SRRM4: variants seen among roughly 807,000 people sequenced by gnomAD.
The protein encoded by SRRM4 is serine/arginine repetitive matrix 4.
In SRRM4, 33 loss-of-function variants were observed where a neutral mutation model predicts 68.9. The ratio of observed to expected loss-of-function variants is 0.48; its 90% CI spans 0.36 to 0.64. The LOEUF (loss-of-function observed/expected upper bound fraction) is 0.64, where lower values mean the gene tolerates loss of function less well. Among genes scored for constraint, SRRM4 ranks in the 30% least tolerant of loss-of-function variants. SRRM4 has a pLI of 0.00. For missense variants in SRRM4, 817 were observed against 827.1 expected, an observed-to-expected ratio of 0.99 and a Z score of 0.15; for synonymous variants, 318 against 318.8, an observed-to-expected ratio of 1.00 and a Z score of 0.03.
chr12:119,004,140 T>G (rs1487273109), intron 1 of SRRM4, among the ~76,000 whole-genome samples: 2 of 152,026 alleles, frequency 1.3e-5, no homozygotes, highest in Non-Finnish European at 2.9e-5. Flanking sequence ...AATTTGATCT[T>G]CTTTTTCTTA....
intron 1 of SRRM4, among the ~76,000 whole-genome samples, chr12:119,073,623 CCT>C (rs772586086): frequency 3.3e-5 from 5 of 151,512 alleles, no homozygotes; most frequent in Admixed American, 1.3e-4. Context: ...TGGCACCCGG[CCT>C]CTCTCTCTTT....
intron 6 of SRRM4, among the ~76,000 whole-genome samples, chr12:119,122,369 C>T (rs575468723): frequency 6.6e-5 from 10 of 151,336 alleles, no homozygotes; most frequent in Admixed American, 2.6e-4. Flanking sequence ...GGCATAACTG[C>T]GTGTGTTGTA....
chr12:119,125,461 C>G lies in SRRM4; in HGVS notation c.596C>G (p.Pro199Arg). 1 of 1,606,742 alleles carries G rather than the reference C, an allele frequency of 6.2e-7. No homozygotes were observed. Among genetic ancestry groups the G allele is most frequent in the African/African-American group, 1.4e-5 (1 of 73,834 alleles). The change falls in exon 7 of 13, where the codon CCC becomes CGC. Residue 199 changes from proline (P) to arginine (R), a missense_variant. Physicochemically the swap from Pro to Arg is moderately radical, Grantham distance 103 (BLOSUM62 -2). Coordinates refer to ENST00000267260, the MANE Select transcript of SRRM4 (RefSeq NM_194286.4). ...PSRSQSSESR[P>R]SSCESRHRGR... ...CGGTCCCAGAGCTCGGAGTCCCGCC[C>G]CTCAAGCTGTGAGAGCAGGTAACCC...
rs147441390 is a variant in SRRM4 at position 118,990,866 on chromosome 12, C to T, written c.131+8853C>T. Among the ~76,000 whole-genome samples the T allele has an allele frequency of 2.0e-5, 3 of 152,330 alleles. No homozygotes were observed. In the East Asian group the frequency reaches 5.8e-4, roughly 29 times the overall value. On this transcript the variant is annotated intron_variant, in intron 1 of 12. Transcript: ENST00000267260. ...ATGGAGTCTCGCTCTGTCACCCAGG[C>T]TGGAGTGCAGTGGTGCGAACTCAGC...
chr12:119,146,765 T>C (rs1359009374), intron 9 of SRRM4, among the ~76,000 whole-genome samples: 2 of 151,872 alleles, frequency 1.3e-5, no homozygotes, highest in Non-Finnish European at 2.9e-5. Flanking sequence ...TGAAACCCCG[T>C]CTCTACTAAA....
At chr12:119,050,302 ATTTG>A (rs1234818700) in intron 1 of SRRM4, among the ~76,000 whole-genome samples, 5 of 152,146 alleles carry the variant, frequency 3.3e-5, no homozygotes, top group Non-Finnish European at 7.4e-5. Flanking sequence ...TCTGTTCTGG[ATTTG>A]TTTGATCTCC....
In SRRM4 at chr12:119,054,288, A is replaced by G. The variant is rs192097180; in HGVS notation, c.132-47948A>G. 7.5e-4 allele frequency among the ~76,000 whole-genome samples: 115 copies of G among 152,348 alleles called. 1 individual carries two copies. The highest frequency in any genetic ancestry group is 2.2e-3 in the African/African-American group (93 of 41,590). On this transcript the variant is annotated intron_variant, in intron 1 of 12. Transcript: ENST00000267260. ...CGTTTTATTTATCCATCCATGTAAC[A>G]GTAACACTTTTTGAGCACTCACTGT... is the stretch of plus-strand genomic sequence containing the variant.
At chr12:119,086,136 G>C (rs141816024) in intron 1 of SRRM4, among the ~76,000 whole-genome samples, 2 of 152,096 alleles carry the variant, frequency 1.3e-5, no homozygotes, top group Non-Finnish European at 2.9e-5. Flanking sequence ...CACCCTCAAC[G>C]TAACTAACCT....
intron 1 of SRRM4, among the ~76,000 whole-genome samples, chr12:118,997,866 T>C (rs1953359146): frequency 6.6e-6 from 1 of 152,038 alleles, no homozygotes; most frequent in African/African-American, 2.4e-5. Context: ...GGGGACACTA[T>C]GTGCCTTCTT....
At chr12:119,065,210 C>A (rs1168560566) in intron 1 of SRRM4, among the ~76,000 whole-genome samples, 2 of 152,100 alleles carry the variant, frequency 1.3e-5, no homozygotes, top group South Asian at 4.2e-4. Flanking sequence ...GCTCCAGAGC[C>A]TCAATTCTAA....
intron 1 of SRRM4, among the ~76,000 whole-genome samples, chr12:119,081,293 A>C (rs1269331816): frequency 1.3e-5 from 2 of 152,210 alleles, no homozygotes; most frequent in African/African-American, 4.8e-5. Flanking sequence ...ATTTTAAATC[A>C]CGTTTGTATA....
At chr12:119,095,280 T>C (rs1317389316) in intron 1 of SRRM4, among the ~76,000 whole-genome samples, 1 of 152,228 alleles carries the variant, frequency 6.6e-6, no homozygotes, top group Non-Finnish European at 1.5e-5. Flanking sequence ...TGATAACTCT[T>C]GGGCTTTCTG....
chr12:119,017,826 A>T (rs1953491410), intron 1 of SRRM4, among the ~76,000 whole-genome samples: 1 of 152,118 alleles, frequency 6.6e-6, no homozygotes, highest in Non-Finnish European at 1.5e-5. Flanking sequence ...CTCTCAGCTT[A>T]TCTGCTCCCA....
intron 1 of SRRM4, chr12:118,993,887 CA>C (rs1953332912): frequency 6.6e-6 from 1 of 152,300 alleles, no homozygotes; most frequent in Admixed American, 6.5e-5. Context: ...CCTGCAGCCC[CA>C]GCTACTCAAG....
At chr12:118,990,157 T>C (rs1357814125) in intron 1 of SRRM4, among the ~76,000 whole-genome samples, 1 of 152,134 alleles carries the variant, frequency 6.6e-6, no homozygotes, top group East Asian at 1.9e-4. Context: ...AGAATAGAAA[T>C]GATCTGCTCA....
chr12:119,151,366 G>C (rs1436980326), intron 10 of SRRM4, 146 bp downstream of exon 10: 4 of 710,268 alleles, frequency 5.6e-6, no homozygotes, highest in Non-Finnish European at 9.5e-6. Flanking sequence ...TGGTGGCCTT[G>C]GGAAAGTCAG....
chr12:119,148,577 C>G (rs942648408), intron 9 of SRRM4, among the ~76,000 whole-genome samples: 9 of 152,236 alleles, frequency 5.9e-5, no homozygotes, highest in African/African-American at 2.2e-4. Flanking sequence ...CCGAGCTCCT[C>G]AAAACCTTTA....
chr12:119,117,987 CACTTTATA>C (rs1396554080), intron 4 of SRRM4, among the ~76,000 whole-genome samples: 2 of 152,176 alleles, frequency 1.3e-5, no homozygotes, highest in African/African-American at 4.8e-5. Flanking sequence ...CCCAAACCAA[CACTTTATA>C]ATTGGAAGAT....
chr12:119,122,105 A>T lies in SRRM4; in HGVS notation c.500A>T (p.Lys167Met). 1 of 1,610,820 alleles carries T rather than the reference A, an allele frequency of 6.2e-7. No homozygotes were observed. The highest frequency in any genetic ancestry group is 1.1e-5 in the South Asian group (1 of 91,008). Residue 167 changes from lysine (K) to methionine (M), a missense_variant, in exon 6 of 13, where the codon AAG becomes ATG. Physicochemically the swap from Lys to Met is moderately conservative, Grantham distance 95. Coordinates refer to ENST00000267260, the MANE Select transcript of SRRM4 (RefSeq NM_194286.4). ...CCAAAAAGCAAAAGAAGAGATGAGA[A>T]GAGGCACAAGAAACAGTAAGTAGAT... ...SSPKSKRRDE[K>M]RHKKQSRSRP... is the part of the protein sequence containing the mutation.
Sources: allele counts gnomAD v4.1 joint callset (sites outside exome capture counted in the v4.1 genomes callset), GRCh38; gene constraint gnomAD v4.1.1; transcripts MANE v1.5; gene names NCBI Gene and HGNC (gene_info 2026-07-23, HGNC 2026-07-21).